The following AMDHD1 variants were observed in gnomAD, a reference collection of about 807,000 sequenced individuals.
The protein encoded by AMDHD1 is probable imidazolonepropionase.
AMDHD1 carries 45 observed loss-of-function variants against 44.1 expected under a neutral mutation model. The ratio of observed to expected loss-of-function variants is 1.02; its 90% CI spans 0.80 to 1.31. AMDHD1 has a LOEUF of 1.31. AMDHD1 is among the 50% of genes most tolerant of loss of function. The probability of loss-of-function intolerance (pLI) is 0.00; values close to 1 mark genes in which losing one functional copy is unlikely to be tolerated. For synonymous variants in AMDHD1, 206 were observed against 205.0 expected, an observed-to-expected ratio of 1.00 and a Z score of -0.04; for missense variants, 586 against 552.1, an observed-to-expected ratio of 1.06 and a Z score of -0.61.
chr12:95,960,658 T>G, intron 5 of AMDHD1, 35 bp downstream of exon 5: 1 of 1,588,550 alleles, frequency 6.3e-7, no homozygotes, highest in South Asian at 1.1e-5. Flanking sequence ...CTCGTCAACA[T>G]TCATTCTTGC....
chr12:95,965,605 C>CT, intron 6 of AMDHD1, 81 bp from the exon 7 acceptor site: 1 of 858,346 alleles, frequency 1.2e-6, no homozygotes, highest in Non-Finnish European at 1.8e-6. Flanking sequence ...CGTTGACTGT[C>CT]TCAAGTTCTC....
At chr12:95,967,202 A>G (rs1052824163) in intron 8 of AMDHD1, among the ~76,000 whole-genome samples, 2 of 152,226 alleles carry the variant, frequency 1.3e-5, no homozygotes, top group African/African-American at 4.8e-5. Flanking sequence ...ATCTTGTGAG[A>G]TTTATTCACT....
chr12:95,946,460 A>C (rs1011854319), intron 1 of AMDHD1, among the ~76,000 whole-genome samples: 1 of 152,142 alleles, frequency 6.6e-6, no homozygotes, highest in Non-Finnish European at 1.5e-5. Context: ...ACTGGTTCAG[A>C]CCTCAAAGAG....
At position 95,943,375 on chromosome 12, in the gene AMDHD1, CGGCGACCCTCGGCGCGA is replaced by C; in HGVS notation, c.-17_-1del. On this transcript the variant is annotated 5_prime_UTR_variant, in exon 1 of 9. Coordinates refer to ENST00000266736, the MANE Select transcript of AMDHD1 (RefSeq NM_152435.3). ...CGGTGGCCCGAGCCCGGTGGCCTCC[CGGCGACCCTCGGCGCGA>C]GGCGACATGGCAAGCGGCCACAGCC... is the stretch of plus-strand genomic sequence containing the variant. The C allele has an allele frequency of 6.8e-7, 1 of 1,480,496 alleles. No homozygotes were observed. The highest frequency in any genetic ancestry group is 2.3e-5 in the Admixed American group (1 of 44,012). 91.7% of individuals were successfully genotyped at this position (1,480,496 alleles called of 1,614,324 possible).
At chr12:95,954,651 T>G (rs1225031623) in intron 2 of AMDHD1, among the ~76,000 whole-genome samples, 1 of 151,876 alleles carries the variant, frequency 6.6e-6, no homozygotes, top group Non-Finnish European at 1.5e-5. Context: ...CAAAAGGAGC[T>G]GTATTTCTGT....
chr12:95,954,343 G>C (rs1275393356), intron 2 of AMDHD1, among the ~76,000 whole-genome samples: 1 of 152,038 alleles, frequency 6.6e-6, no homozygotes, highest in Admixed American at 6.6e-5. Flanking sequence ...GCTGAGTCAG[G>C]CAGATCATTG....
chr12:95,968,374 C>G lies in AMDHD1; in HGVS notation c.*531C>G, dbSNP rs114023500. Reference sequence around the variant, plus strand: ...TGTCCTCTGATGAAGAGTGTCCTTCCGTTTCTAAGGTCTTCTCAATCTCAG... The same window carrying G: ...TGTCCTCTGATGAAGAGTGTCCTTCGGTTTCTAAGGTCTTCTCAATCTCAG... On this transcript the variant is annotated 3_prime_UTR_variant, in exon 9 of 9. Coordinates refer to ENST00000266736, the MANE Select transcript of AMDHD1 (RefSeq NM_152435.3). 32 of 153,270 alleles carry G rather than the reference C, an allele frequency of 2.1e-4. No individual in the cohort carries two copies. The highest frequency in any genetic ancestry group is 7.7e-4 in the African/African-American group (32 of 41,566). 9.5% of individuals were successfully genotyped at this position (153,270 alleles called of 1,614,324 possible). A position where few individuals can be genotyped will look rare whatever the true frequency, so the allele number is the denominator to read the frequency against.
chr12:95,960,757 T>A, intron 5 of AMDHD1, 134 bp downstream of exon 5: 1 of 942,250 alleles, frequency 1.1e-6, no homozygotes, highest in Non-Finnish European at 1.6e-6. Flanking sequence ...AATGTACAGA[T>A]TGGTCTGGTT....
rs1324992419 is a variant in AMDHD1 at position 95,956,714 on chromosome 12, C to T, written c.339C>T (p.His113=). Reference sequence around the variant, plus strand: ...CAGGAGCCACCTACATGGAAATTCACCAGGCCGGAGGAGGGATCCACTTTA... The same window carrying T: ...CAGGAGCCACCTACATGGAAATTCATCAGGCCGGAGGAGGGATCCACTTTA... ...KLAGATYMEI[H]QAGGGIHFTV... Residue 113 remains histidine, a synonymous_variant, in exon 4 of 9, where the codon CAC becomes CAT. Transcript: ENST00000266736. 5 of 1,614,018 alleles carry T rather than the reference C, an allele frequency of 3.1e-6. No homozygotes were observed. In the African/African-American group the frequency reaches 6.7e-5, roughly 22 times the overall value.
At chr12:95,961,016 C>T (rs528905020) in intron 5 of AMDHD1, among the ~76,000 whole-genome samples, 2 of 151,852 alleles carry the variant, frequency 1.3e-5, no homozygotes, top group East Asian at 1.9e-4. Flanking sequence ...CGTGGTGGCA[C>T]GCGCCTGTAA....
chr12:95,947,812 G>C (rs1320709106), intron 1 of AMDHD1, among the ~76,000 whole-genome samples: 142 of 83,816 alleles, frequency 1.7e-3, no homozygotes, highest in South Asian at 4.5e-3. Flanking sequence ...GGAGGGAGGT[G>C]GGGGGGTCAG....
In AMDHD1 at chr12:95,957,017, C is replaced by A. The variant is rs983440515; in HGVS notation, c.587+55C>A. 10 of 1,598,896 alleles carry A rather than the reference C, an allele frequency of 6.3e-6. No homozygotes were observed. In the East Asian group the frequency reaches 2.2e-4, roughly 36 times the overall value. On this transcript the variant is annotated intron_variant, in intron 4 of 8. Coordinates refer to ENST00000266736, the MANE Select transcript of AMDHD1 (RefSeq NM_152435.3). ...AACTCAGAGCATTGAAAACGAACCC[C>A]GGGGGTGGAGGCGCATTAGCACTTT...
At chr12:95,947,453 GC>G (rs2080501369) in intron 1 of AMDHD1, 2 of 62,650 alleles carry the variant, frequency 3.2e-5, no homozygotes. Flanking sequence ...GAGCCTCTCC[GC>G]CCGGCAGCCA....
Position 95,966,388 on chromosome 12 carries a change from C to T in AMDHD1, c.1073C>T (p.Ser358Phe). The T allele has an allele frequency of 6.2e-7, 1 of 1,614,234 alleles. No individual in the cohort carries two copies. The highest frequency in any genetic ancestry group is 8.5e-7 in the Non-Finnish European group (1 of 1,180,048). ...CTGGCCTGTGTAAACATGAGAATGT[C>T]CATGCCTGAGGCCTTGGCCGCTGCC... is the stretch of plus-strand genomic sequence containing the variant. Reference protein sequence around the residue: ...MHLACVNMRMSMPEALAAATI... With the variant: ...MHLACVNMRMFMPEALAAATI... The change falls in exon 8 of 9, where the codon TCC (serine) becomes TTC (phenylalanine). Residue 358 changes from serine to phenylalanine, a missense_variant. Transcript: ENST00000266736.
chr12:95,947,665 G>A (rs1195991302), intron 1 of AMDHD1, among the ~76,000 whole-genome samples: 2 of 59,152 alleles, frequency 3.4e-5, no homozygotes, highest in African/African-American at 1.0e-4. Flanking sequence ...CCGTCCGGGA[G>A]GTGAGGGGCG....
chr12:95,961,895 T>G (rs1273374620), intron 5 of AMDHD1, among the ~76,000 whole-genome samples: 2 of 152,228 alleles, frequency 1.3e-5, no homozygotes, highest in Non-Finnish European at 2.9e-5. Context: ...TACAAACCCT[T>G]TACCCATTTG....
intron 1 of AMDHD1, among the ~76,000 whole-genome samples, chr12:95,949,948 G>C: frequency 6.6e-6 from 1 of 152,168 alleles, no homozygotes; most frequent in East Asian, 1.9e-4. Context: ...AGATAAGCAT[G>C]GGATTAGTGG....
intron 3 of AMDHD1, among the ~76,000 whole-genome samples, chr12:95,955,778 C>T (rs1350399721): frequency 6.6e-6 from 1 of 152,154 alleles, no homozygotes; most frequent in Admixed American, 6.5e-5. Context: ...CCAGGAGACC[C>T]CAGGCCTGCA....
At chr12:95,961,117 C>T (rs963608871) in intron 5 of AMDHD1, among the ~76,000 whole-genome samples, 1 of 133,636 alleles carries the variant, frequency 7.5e-6, no homozygotes, top group Non-Finnish European at 1.5e-5. Context: ...TGCACTCCAG[C>T]CTGGGGGACA....
Sources: allele counts gnomAD v4.1 joint callset (sites outside exome capture counted in the v4.1 genomes callset), GRCh38; gene constraint gnomAD v4.1.1; transcripts MANE v1.5; gene names NCBI Gene and HGNC (gene_info 2026-07-23, HGNC 2026-07-21).